PELO: variants seen among roughly 807,000 people sequenced by gnomAD.
The protein encoded by PELO is pelota mRNA surveillance and ribosome rescue factor.
A neutral mutation model predicts 25.9 loss-of-function variants in PELO; 19 were observed. That is an observed-to-expected ratio of 0.73 (90% confidence interval 0.51 to 1.08). The LOEUF (loss-of-function observed/expected upper bound fraction) is 1.08. Among genes scored for constraint, PELO ranks in the 50% least tolerant of loss-of-function variants. The probability of loss-of-function intolerance (pLI) is 0.00; values close to 1 mark genes in which losing one functional copy is unlikely to be tolerated. For synonymous variants in PELO, 196 were observed against 192.2 expected (o/e 1.02, Z -0.16); for missense variants, 498 against 491.4 (o/e 1.01, Z -0.13).
intron 1 of PELO, among the ~76,000 whole-genome samples, chr5:52,793,101 T>C (rs897197631): frequency 2.6e-5 from 4 of 152,092 alleles, no homozygotes; most frequent in African/African-American, 9.7e-5. Context: ...CTGAAGTAGA[T>C]TGGACCCTAC....
chr5:52,800,211 G>A lies in PELO; in HGVS notation c.-184G>A. The A allele has an allele frequency of 1.6e-6, 1 of 619,830 alleles. No homozygotes were observed. The highest frequency in any genetic ancestry group is 2.8e-6 in the Non-Finnish European group (1 of 352,726). 38.4% of individuals were successfully genotyped at this position (619,830 alleles called of 1,614,324 possible). ...GCGCCGGGAGACTGAGAGAGGAAAG[G>A]ATAGAGGAAGTGCTGCCCTAGGCTG... On this transcript the variant is annotated 5_prime_UTR_variant, in exon 2 of 3. Coordinates refer to ENST00000274311, the MANE Select transcript of PELO (RefSeq NM_015946.5).
Position 52,801,067 on chromosome 5 carries a change from G to C in PELO, c.673G>C (p.Ala225Pro). The change falls in exon 2 of 3, where the codon GCA (alanine) becomes CCA (proline). Residue 225 changes from alanine (A) to proline (P), a missense_variant. Transcript: ENST00000274311. ...EQFCDYLFQQ[A>P]VKTDNKLLLE... The stretch of plus-strand genomic sequence containing the variant: ...GTTCTGCGACTACCTGTTTCAACAA[G>C]CAGTGAAGACCGACAACAAACTGCT... The C allele has an allele frequency of 6.2e-7, 1 of 1,613,268 alleles. No homozygotes were observed. The highest frequency in any genetic ancestry group is 8.5e-7 in the Non-Finnish European group (1 of 1,179,600).
At chr5:52,792,361 T>C (rs1231989610) in intron 1 of PELO, among the ~76,000 whole-genome samples, 4 of 152,198 alleles carry the variant, frequency 2.6e-5, no homozygotes, top group African/African-American at 4.8e-5. Flanking sequence ...CTGAAGATGG[T>C]GAAAATTGTC....
chr5:52,797,157 C>T (rs17209725), intron 1 of PELO, among the ~76,000 whole-genome samples: 39,741 of 151,510 alleles, frequency 0.26, 5,542 homozygotes, highest in Non-Finnish European at 0.31. Context: ...ATCTAATAGT[C>T]AACTACAGGC....
intron 1 of PELO, among the ~76,000 whole-genome samples, chr5:52,794,854 G>C (rs1242470785): frequency 6.6e-6 from 1 of 151,682 alleles, no homozygotes; most frequent in Non-Finnish European, 1.5e-5. Flanking sequence ...TGGAGCTCTG[G>C]CTTCTTATTT....
chr5:52,798,680 C>T (rs145468098), intron 1 of PELO, among the ~76,000 whole-genome samples: 1 of 152,110 alleles, frequency 6.6e-6, no homozygotes, highest in African/African-American at 2.4e-5. Flanking sequence ...TGCATTTTTA[C>T]GTAAGATAAC....
rs1580029102 is a variant in PELO, at chr5:52,801,230, T to C, written c.726+110T>C. On this transcript the variant is annotated intron_variant, in intron 2 of 2. Coordinates refer to ENST00000274311, the MANE Select transcript of PELO (RefSeq NM_015946.5). ...TAAGAAGAGAAAGTCTTTACTTAGC[T>C]GGGATTTTCATGAGATAATGAAATA... The C allele has an allele frequency of 2.4e-6, 3 of 1,254,568 alleles. No individual in the cohort carries two copies. In the East Asian group the frequency reaches 7.1e-5, roughly 30 times the overall value. 77.7% of individuals were successfully genotyped at this position (1,254,568 alleles called of 1,614,324 possible). A position where few individuals can be genotyped will look rare whatever the true frequency, so the allele number is the denominator to read the frequency against.
chr5:52,801,193 A>G (rs1326279707), intron 2 of PELO, 73 bp downstream of exon 2: 2 of 1,404,526 alleles, frequency 1.4e-6, no homozygotes, highest in Non-Finnish European at 1.9e-6. Context: ...AAAGTTTTAG[A>G]ACTGGGAAAA....
At position 52,800,559 on chromosome 5, in the gene PELO, C is replaced by T. The variant is rs1238248292; in HGVS notation, c.165C>T (p.Ser55=). The change falls in exon 2 of 3, where the codon AGC becomes AGT. Residue 55 remains serine (S), a synonymous_variant. Transcript: ENST00000274311. ...RKVQTESSTG[S]VGSNRVRTTL... ...TACAGACAGAGTCCTCCACGGGCAG[C>T]GTGGGCAGCAACCGGGTCCGCACTA... The T allele has an allele frequency of 1.9e-6, 3 of 1,613,476 alleles. No individual in the cohort carries two copies. Among genetic ancestry groups the T allele is most frequent in the Admixed American group, 1.7e-5 (1 of 59,972 alleles).
At chr5:52,792,289 T>G (rs988938343) in intron 1 of PELO, among the ~76,000 whole-genome samples, 1 of 152,136 alleles carries the variant, frequency 6.6e-6, no homozygotes, top group African/African-American at 2.4e-5. Flanking sequence ...GGGGAGGAAG[T>G]CAGCCACTTA....
In PELO at chr5:52,801,334, C is replaced by T. The variant is rs1427228450; in HGVS notation, c.727-75C>T. On this transcript the variant is annotated intron_variant, in intron 2 of 2. Transcript: ENST00000274311. ...TATGAAGCCTTACTAGCGCTTTTGG[C>T]TTTAAGCCTTTGTGAGCTGATTAAT... The T allele has an allele frequency of 3.7e-6, 5 of 1,335,732 alleles. No individual in the cohort carries two copies. In the African/African-American group the frequency reaches 4.4e-5, roughly 12 times the overall value. 82.7% of individuals were successfully genotyped at this position (1,335,732 alleles called of 1,614,324 possible).
At chr5:52,794,663 C>A (rs1748305594) in intron 1 of PELO, among the ~76,000 whole-genome samples, 1 of 149,562 alleles carries the variant, frequency 6.7e-6, no homozygotes, top group African/African-American at 2.5e-5. Context: ...AAAAAAAAAA[C>A]AAATAAAACA....
At position 52,800,374 on chromosome 5, in the gene PELO, C is replaced by A; in HGVS notation, c.-21C>A. The A allele has an allele frequency of 6.2e-7, 1 of 1,613,064 alleles. No homozygotes were observed. The highest frequency in any genetic ancestry group is 1.1e-5 in the South Asian group (1 of 90,932). On this transcript the variant is annotated 5_prime_UTR_variant, in exon 2 of 3. Coordinates refer to ENST00000274311, the MANE Select transcript of PELO (RefSeq NM_015946.5). ...ACCTCCTTGGTTCCTTTGGTTCTGT[C>A]AGTGAGCCCCTTCCTTGGCCATGAA...
In PELO at chr5:52,804,022, T is replaced by A. The variant is rs941483852; in HGVS notation, c.*2182T>A. The A allele has an allele frequency of 1.3e-5, 2 of 152,176 alleles. No homozygotes were observed. The highest frequency in any genetic ancestry group is 1.5e-5 in the Non-Finnish European group (1 of 68,018). The allele number at this position is 152,176 out of a possible 1,614,324, so 9.4% of individuals were successfully genotyped here. ...TATGTCTATGAATTATTAAATAAAA[T>A]TTAACTCATTTTTAAGAAATTACAT... On this transcript the variant is annotated 3_prime_UTR_variant, in exon 3 of 3. Transcript: ENST00000274311.
rs1057144137 is a variant in PELO, at chr5:52,791,062, A to G, written c.-511+2648A>G. Reference sequence around the variant, plus strand: ...CCACCAGCATCCCAATAAACTTCCTATTTGATTTAGACTGTCTTATATTAG... The same window carrying G: ...CCACCAGCATCCCAATAAACTTCCTGTTTGATTTAGACTGTCTTATATTAG... On this transcript the variant is annotated intron_variant, in intron 1 of 2. Transcript: ENST00000274311. Among the ~76,000 whole-genome samples, 3 of 152,184 alleles carry G rather than the reference A, an allele frequency of 2.0e-5. No individual in the cohort carries two copies. The East Asian group carries it at 5.8e-4, about 29-fold the overall frequency.
intron 1 of PELO, among the ~76,000 whole-genome samples, chr5:52,794,106 A>G (rs887220018): frequency 3.9e-5 from 6 of 152,028 alleles, no homozygotes; most frequent in African/African-American, 1.2e-4. Flanking sequence ...CAAACAGGAG[A>G]TCCCTATTAA....
intron 1 of PELO, among the ~76,000 whole-genome samples, chr5:52,797,221 C>T (rs1393954452): frequency 2.0e-5 from 3 of 151,792 alleles, no homozygotes; most frequent in Non-Finnish European, 4.4e-5. Flanking sequence ...GTTTCACATA[C>T]AACAGTAATT....
Position 52,802,074 on chromosome 5 carries a change from A to G in PELO, c.*234A>G. ...TCTTGATTAAATTGTGTAATTTTTT[A>G]TAGGAATTATGAGTTATCTGTAGTA... On this transcript the variant is annotated 3_prime_UTR_variant, in exon 3 of 3. Coordinates refer to ENST00000274311, the MANE Select transcript of PELO (RefSeq NM_015946.5). The G allele has an allele frequency of 2.3e-6, 1 of 435,658 alleles. No individual in the cohort carries two copies. Among genetic ancestry groups the G allele is most frequent in the South Asian group, 3.3e-5 (1 of 30,000 alleles). The allele number at this position is 435,658 out of a possible 1,614,324, so 27.0% of individuals were successfully genotyped here. A position where few individuals can be genotyped will look rare whatever the true frequency, so the allele number is the denominator to read the frequency against.
rs967602671 is a variant in PELO, at chr5:52,802,133, A to T, written c.*293A>T. On this transcript the variant is annotated 3_prime_UTR_variant, in exon 3 of 3. Transcript: ENST00000274311. ...CAGAAAATGTGTGTATTTAAAGACG[A>T]TGCCTATGCAGTATATTGTTTGGGA... 6.8e-6 allele frequency: 2 copies of T among 293,448 alleles called. No homozygotes were observed. Among genetic ancestry groups the T allele is most frequent in the African/African-American group, 4.4e-5 (2 of 45,872 alleles). The allele number at this position is 293,448 out of a possible 1,614,324, so 18.2% of individuals were successfully genotyped here. A position where few individuals can be genotyped will look rare whatever the true frequency, so the allele number is the denominator to read the frequency against.
Sources: allele counts gnomAD v4.1 joint callset (sites outside exome capture counted in the v4.1 genomes callset), GRCh38; gene constraint gnomAD v4.1.1; transcripts MANE v1.5; gene names NCBI Gene and HGNC (gene_info 2026-07-23, HGNC 2026-07-21).